Variants in EIF4G3 observed in about 807,000 individuals in gnomAD.
The protein encoded by EIF4G3 is eukaryotic translation initiation factor 4 gamma 3.
A neutral mutation model predicts 186.4 loss-of-function variants in EIF4G3; 34 were observed. That is an observed-to-expected ratio of 0.18 (90% CI 0.14 to 0.24). EIF4G3 has a LOEUF of 0.24. Ranked by LOEUF, EIF4G3 falls within the 10% of genes least tolerant of loss-of-function variation. The probability of loss-of-function intolerance (pLI) is 1.00; values close to 1 mark genes in which losing one functional copy is unlikely to be tolerated. For synonymous variants in EIF4G3, 673 were observed against 679.5 expected (o/e 0.99, Z 0.15); for missense variants, 1,536 against 1,948.5 (o/e 0.79, Z 3.99).
At position 20,941,529 on chromosome 1, in the gene EIF4G3, T is replaced by C. The variant is rs2095713122; in HGVS notation, c.1625A>G (p.Asp542Gly). Reference protein sequence around the residue: ...EADGQTEEILDSQNLNSRRSP... With the variant: ...EADGQTEEILGSQNLNSRRSP... ...CCTTCTTGAATTTAAGTTTTGAGAA[T>C]CCAAAATCTCTTCTGTTTGCCCATC... The change falls in exon 14 of 37, where the codon GAT becomes GGT. Residue 542 changes from aspartate (D) to glycine (G), a missense_variant. Physicochemically the swap from Asp to Gly is moderately conservative, Grantham distance 94. Transcript: ENST00000602326. 2 of 1,611,898 alleles carry C rather than the reference T, an allele frequency of 1.2e-6. No homozygotes were observed. The highest frequency in any genetic ancestry group is 1.7e-6 in the Non-Finnish European group (2 of 1,179,168).
rs570497366 is a variant in EIF4G3, at chr1:20,920,152, C to T, written c.1664-15181G>A. On this transcript the variant is annotated intron_variant, in intron 14 of 36. Transcript: ENST00000602326. ...AACTCCCAACCTCAGGTGATCTGCC[C>T]GCCTCGACCTCCCAAAGTGCTGGGA... Among the ~76,000 whole-genome samples, 188 of 152,262 alleles carry T rather than the reference C, an allele frequency of 1.2e-3. 4 individuals carry two copies. In the South Asian group the frequency reaches 0.036, roughly 29 times the overall value.
chr1:20,838,742 G>GT (rs1318703294), intron 30 of EIF4G3, among the ~76,000 whole-genome samples: 1 of 152,110 alleles, frequency 6.6e-6, no homozygotes, highest in East Asian at 1.9e-4. Flanking sequence ...GTGCAGTGGT[G>GT]TGATCATGGC....
At chr1:21,023,393 C>G (rs1318967572) in intron 4 of EIF4G3, among the ~76,000 whole-genome samples, 1 of 148,426 alleles carries the variant, frequency 6.7e-6, no homozygotes, top group African/African-American at 2.5e-5. Context: ...CTCAGCCTGC[C>G]GAGTGCCTGC....
intron 29 of EIF4G3, among the ~76,000 whole-genome samples, chr1:20,841,645 G>A (rs1047663731): frequency 1.3e-5 from 2 of 152,112 alleles, no homozygotes; most frequent in Non-Finnish European, 2.9e-5. Context: ...AGTTCTTGTG[G>A]TATGCTTCTT....
At chr1:21,073,678 C>T (rs939884427) in intron 3 of EIF4G3, 22 of 516,964 alleles carry the variant, frequency 4.3e-5, no homozygotes, top group African/African-American at 3.5e-4. Flanking sequence ...GTATAAAGGT[C>T]GACAATTCTA....
At chr1:20,950,607 A>G (rs2096168113) in intron 12 of EIF4G3, among the ~76,000 whole-genome samples, 1 of 152,202 alleles carries the variant, frequency 6.6e-6, no homozygotes, top group Non-Finnish European at 1.5e-5. Context: ...CCTGCTACTT[A>G]TCCATGTAAT....
chr1:20,822,606 G>A (rs76518134), intron 33 of EIF4G3, among the ~76,000 whole-genome samples: 1 of 140,650 alleles, frequency 7.1e-6, no homozygotes, highest in Non-Finnish European at 1.5e-5. Context: ...TTTTTTTTTG[G>A]TGATAGGGTC....
intron 7 of EIF4G3, among the ~76,000 whole-genome samples, chr1:20,985,292 A>G (rs1238292847): frequency 2.6e-5 from 4 of 152,146 alleles, no homozygotes; most frequent in Non-Finnish European, 5.9e-5. Context: ...CACAACTCCA[A>G]TTCTCTATCT....
At chr1:21,000,584 C>G (rs2083280983) in intron 6 of EIF4G3, among the ~76,000 whole-genome samples, 1 of 151,256 alleles carries the variant, frequency 6.6e-6, no homozygotes, top group Non-Finnish European at 1.5e-5. Flanking sequence ...CAACTTCACC[C>G]TCCCAGCACA....
intron 29 of EIF4G3, among the ~76,000 whole-genome samples, chr1:20,844,407 G>T (rs368382983): frequency 6.6e-6 from 1 of 152,076 alleles, no homozygotes; most frequent in African/African-American, 2.4e-5. Context: ...CAGTGATATT[G>T]AGCTTTTTTA....
chr1:21,101,377 G>A (rs1435580384), intron 2 of EIF4G3, among the ~76,000 whole-genome samples: 1 of 151,802 alleles, frequency 6.6e-6, no homozygotes, highest in Non-Finnish European at 1.5e-5. Context: ...AGACCAGCCT[G>A]GCCAACGTGG....
chr1:20,927,795 G>A (rs1337668665), intron 14 of EIF4G3, among the ~76,000 whole-genome samples: 3 of 152,136 alleles, frequency 2.0e-5, no homozygotes, highest in Admixed American at 6.5e-5. Flanking sequence ...CTGCTTTGCC[G>A]GCCCAACTGG....
At chr1:21,088,090 G>A (rs574856735) in intron 3 of EIF4G3, among the ~76,000 whole-genome samples, 15 of 151,442 alleles carry the variant, frequency 9.9e-5, no homozygotes, top group African/African-American at 1.7e-4. Context: ...AGTGAGACCC[G>A]ATCTCTTAAA....
rs139635758 is a variant in EIF4G3 at position 21,021,227 on chromosome 1, G to A, written c.-66-18419C>T. On this transcript the variant is annotated intron_variant, in intron 4 of 36. Transcript: ENST00000602326. ...TCAAACTCCTGGCCTCAAGTGATCC[G>A]CCCACCTCAGCCCCCCAAAGTGCTG... Among the ~76,000 whole-genome samples, 40 of 152,144 alleles carry A rather than the reference G, an allele frequency of 2.6e-4. No homozygotes were observed. The East Asian group carries it at 2.9e-3, about 11-fold the overall frequency.
At chr1:20,858,763 G>A (rs1294466263) in intron 24 of EIF4G3, among the ~76,000 whole-genome samples, 2 of 152,108 alleles carry the variant, frequency 1.3e-5, no homozygotes, top group East Asian at 1.9e-4. Flanking sequence ...TTGGGAGGCC[G>A]AGGCAGGTGG....
rs180699382 is a variant in EIF4G3, at chr1:21,168,000, A to G, written c.-272+8175T>C. On this transcript the variant is annotated intron_variant, in intron 2 of 36. Transcript: ENST00000602326. ...ACATTCCCCTTTGTAATGTGCAGTC[A>G]TAACTTCTAAGCTAAAAGCCAAAGG... 1.5e-5 allele frequency: 7 copies of G among 469,866 alleles called. No individual in the cohort carries two copies. The East Asian group carries it at 3.5e-4, about 23-fold the overall frequency. 29.1% of individuals were successfully genotyped at this position (469,866 alleles called of 1,614,324 possible).
At chr1:20,842,228 T>C (rs2068866835) in intron 29 of EIF4G3, among the ~76,000 whole-genome samples, 1 of 152,244 alleles carries the variant, frequency 6.6e-6, no homozygotes, top group Admixed American at 6.5e-5. Flanking sequence ...TAGCTTTTTG[T>C]TGTTGCTGAG....
intron 33 of EIF4G3, among the ~76,000 whole-genome samples, chr1:20,823,936 G>A (rs1461659369): frequency 6.6e-6 from 1 of 152,178 alleles, no homozygotes; most frequent in African/African-American, 2.4e-5. Flanking sequence ...CCTAAGTTGA[G>A]GATGTTTCTC....
intron 2 of EIF4G3, among the ~76,000 whole-genome samples, chr1:21,128,041 A>T (rs560405836): frequency 6.0e-5 from 9 of 151,196 alleles, no homozygotes; most frequent in African/African-American, 1.9e-4. Flanking sequence ...CATCTCTAAT[A>T]AAAAAAATAC....
Sources: gnomAD v4.1 joint callset for allele counts (sites outside exome capture counted in the v4.1 genomes callset) on GRCh38, gnomAD v4.1.1 for gene constraint, MANE v1.5 for transcripts, NCBI Gene and HGNC (gene_info 2026-07-23, HGNC 2026-07-21) for gene names.